Variants in RIT2 observed in about 807,000 individuals in gnomAD.
RIT2 encodes Ras like without CAAX 2, also known as GTP-binding protein Rit2.
Under a neutral mutation model 23.7 loss-of-function variants are expected in RIT2, and 24 were observed. That is an observed-to-expected ratio of 1.01 (90% CI 0.73 to 1.43). The LOEUF (loss-of-function observed/expected upper bound fraction) is 1.43. Among genes scored for constraint, RIT2 ranks in the 40% most tolerant of loss-of-function variants. The pLI is 0.00. For missense variants in RIT2, 236 were observed against 266.9 expected (o/e 0.88, Z 0.81); for synonymous variants, 107 against 91.1 (o/e 1.17, Z -0.99).
chr18:42,991,885 G>T (rs1299239260), intron 2 of RIT2, among the ~76,000 whole-genome samples: 1 of 151,984 alleles, frequency 6.6e-6, no homozygotes, highest in Admixed American at 6.6e-5. Context: ...CAGCCCGCCT[G>T]CGGCCAGGTG....
chr18:42,784,042 T>C (rs959073053), intron 4 of RIT2, among the ~76,000 whole-genome samples: 4 of 152,066 alleles, frequency 2.6e-5, no homozygotes, highest in African/African-American at 7.2e-5. Flanking sequence ...GGCAAAACCA[T>C]GCTTTCCTTG....
At chr18:42,843,131 G>C (rs1014400548) in intron 4 of RIT2, among the ~76,000 whole-genome samples, 1 of 152,200 alleles carries the variant, frequency 6.6e-6, no homozygotes, top group African/African-American at 2.4e-5. Context: ...ATGACTAGCA[G>C]ACAAAGCAGT....
intron 1 of RIT2, among the ~76,000 whole-genome samples, chr18:43,057,053 C>A (rs949553057): frequency 1.2e-5 from 1 of 80,458 alleles, no homozygotes; most frequent in Admixed American, 1.9e-4. Context: ...ATTAGTCGGG[C>A]GGGGGGTGGG....
At chr18:43,102,445 C>CTTTTTT (rs200839354) in intron 1 of RIT2, among the ~76,000 whole-genome samples, 5 of 109,924 alleles carry the variant, frequency 4.5e-5, no homozygotes, top group Non-Finnish European at 7.3e-5. Context: ...TCAGGAAACC[C>CTTTTTT]TTTTTTTTTT....
chr18:43,086,354 G>T (rs1004759107), intron 1 of RIT2, among the ~76,000 whole-genome samples: 2 of 152,100 alleles, frequency 1.3e-5, no homozygotes, highest in African/African-American at 4.8e-5. Context: ...AACAACGAAT[G>T]TATAACTTAA....
At chr18:42,879,495 A>AT (rs1414608631) in intron 4 of RIT2, among the ~76,000 whole-genome samples, 1 of 152,086 alleles carries the variant, frequency 6.6e-6, no homozygotes, top group Non-Finnish European at 1.5e-5. Context: ...AGCTATTTTC[A>AT]TTTATGATCA....
intron 1 of RIT2, among the ~76,000 whole-genome samples, chr18:43,075,974 T>C (rs933756963): frequency 3.3e-5 from 5 of 152,214 alleles, no homozygotes; most frequent in African/African-American, 1.2e-4. Context: ...TATCATTTTT[T>C]ATCATTTTAA....
rs1024423054 is a variant in RIT2 at position 42,849,595 on chromosome 18, T to C, written c.426+73977A>G. Among the ~76,000 whole-genome samples, 4 of 152,326 alleles carry C rather than the reference T, an allele frequency of 2.6e-5. No individual in the cohort carries two copies. In the East Asian group the frequency reaches 7.7e-4, roughly 29 times the overall value. On this transcript the variant is annotated intron_variant, in intron 4 of 4. Transcript: ENST00000326695. ...AGTCATTGATTATTATTAACATCTG[T>C]ATTAGTACAACTGAAGCACCACGTT... is the stretch of plus-strand genomic sequence containing the variant.
rs1425850088 is a variant in RIT2, at chr18:42,923,763, C to T, written c.235G>A (p.Ala79Thr). Residue 79 changes from alanine to threonine, a missense_variant and splice_region_variant, in exon 4 of 5, where the codon GCA (alanine) becomes ACA (threonine). By Grantham distance (58) the Ala-to-Thr change is moderately conservative. Transcript: ENST00000326695. The stretch of plus-strand genomic sequence containing the variant: ...TGCTCCCGCATGGCTGTGAATTCTG[C>T]CTGCAGGAAAAAAAAAAAAAAATTA... ...YLDILDTAGQAEFTAMREQYM... is the reference protein window; with the variant it reads ...YLDILDTAGQTEFTAMREQYM... 1.3e-6 allele frequency: 2 copies of T among 1,556,840 alleles called. No individual in the cohort carries two copies. Among genetic ancestry groups the T allele is most frequent in the Admixed American group, 2.1e-5 (1 of 48,302 alleles).
chr18:43,025,625 C>T (rs1267135794), intron 2 of RIT2, among the ~76,000 whole-genome samples: 1 of 151,396 alleles, frequency 6.6e-6, no homozygotes, highest in African/African-American at 2.4e-5. Context: ...CACACACACA[C>T]ATATATATAT....
At chr18:42,864,174 C>A (rs1413587895) in intron 4 of RIT2, among the ~76,000 whole-genome samples, 2 of 152,124 alleles carry the variant, frequency 1.3e-5, no homozygotes, top group African/African-American at 4.8e-5. Flanking sequence ...GGTTGCCATG[C>A]CTTTCTCCCT....
chr18:43,067,029 T>C (rs1277801668), intron 1 of RIT2, among the ~76,000 whole-genome samples: 2 of 151,750 alleles, frequency 1.3e-5, no homozygotes, highest in Non-Finnish European at 2.9e-5. Flanking sequence ...ACTTGGCATT[T>C]CAGTAAGATA....
At chr18:43,088,097 A>G (rs1244577378) in intron 1 of RIT2, among the ~76,000 whole-genome samples, 3 of 152,132 alleles carry the variant, frequency 2.0e-5, no homozygotes, top group African/African-American at 7.2e-5. Context: ...AACTGTTAAA[A>G]TATCTCAGAT....
intron 1 of RIT2, among the ~76,000 whole-genome samples, chr18:43,093,524 G>T (rs1913474477): frequency 6.6e-6 from 1 of 151,930 alleles, no homozygotes; most frequent in African/African-American, 2.4e-5. Context: ...GTAACTGGAG[G>T]TTGTTGGGAG....
chr18:42,881,767 T>G (rs1381045754), intron 4 of RIT2, among the ~76,000 whole-genome samples: 1 of 152,224 alleles, frequency 6.6e-6, no homozygotes, highest in Non-Finnish European at 1.5e-5. Flanking sequence ...GCTTAGCACT[T>G]TCAACATTAT....
chr18:42,813,796 G>A (rs1353438819), intron 4 of RIT2, among the ~76,000 whole-genome samples: 3 of 152,152 alleles, frequency 2.0e-5, no homozygotes, highest in African/African-American at 7.2e-5. Flanking sequence ...GCTGCAGAAC[G>A]ACTGTAAAAA....
At chr18:42,782,838 C>A (rs1184290618) in intron 4 of RIT2, among the ~76,000 whole-genome samples, 1 of 151,978 alleles carries the variant, frequency 6.6e-6, no homozygotes, top group Admixed American at 6.6e-5. Flanking sequence ...AAGGCAGAAT[C>A]TTATATATAC....
At chr18:43,105,132 T>TTG (rs1226796817) in intron 1 of RIT2, among the ~76,000 whole-genome samples, 56 of 87,862 alleles carry the variant, frequency 6.4e-4, no homozygotes, top group Non-Finnish European at 8.7e-4. Context: ...GTGTGTGTGT[T>TTG]TGTGTGTGTG....
Position 42,923,770 on chromosome 18 carries a change from G to GAA in RIT2, c.235-9_235-8dup, listed in dbSNP as rs10633642. 0.1 allele frequency: 141,935 copies of GAA among 1,408,820 alleles called. 2,990 individuals carry two copies. Among genetic ancestry groups the GAA allele is most frequent in the East Asian group, 0.27 (10,801 of 39,896 alleles). The allele number at this position is 1,408,820 out of a possible 1,614,324, so 87.3% of individuals were successfully genotyped here. ...GCATGGCTGTGAATTCTGCCTGCAG[G>GAA]AAAAAAAAAAAAAAATTAGTTATGG... is the stretch of plus-strand genomic sequence containing the variant. On this transcript the variant is annotated splice_polypyrimidine_tract_variant and splice_region_variant and intron_variant, in intron 3 of 4. Coordinates refer to ENST00000326695, the MANE Select transcript of RIT2 (RefSeq NM_002930.4).
Sources: gnomAD v4.1 joint callset for allele counts (sites outside exome capture counted in the v4.1 genomes callset) on GRCh38, gnomAD v4.1.1 for gene constraint, MANE v1.5 for transcripts, NCBI Gene and HGNC (gene_info 2026-07-23, HGNC 2026-07-21) for gene names.